Variants in SRGAP1 observed in about 807,000 individuals in gnomAD.
SRGAP1 encodes SLIT-ROBO Rho GTPase activating protein 1.
In SRGAP1, 43 loss-of-function variants were observed where a neutral mutation model predicts 121.9. The ratio of observed to expected loss-of-function variants is 0.35; its 90% CI spans 0.28 to 0.46. SRGAP1 has a LOEUF of 0.46. Among genes scored for constraint, SRGAP1 ranks in the 20% least tolerant of loss-of-function variants. The pLI is 1.00. For missense variants in SRGAP1, 1,102 were observed against 1,350.9 expected (o/e 0.82, Z 2.89); for synonymous variants, 447 against 485.4 (o/e 0.92, Z 1.04).
intron 4 of SRGAP1, among the ~76,000 whole-genome samples, chr12:64,031,836 C>T (rs1168758537): frequency 6.6e-6 from 1 of 152,046 alleles, no homozygotes; most frequent in Non-Finnish European, 1.5e-5. Flanking sequence ...TGATTGTCTC[C>T]CTAATTTTGA....
intron 21 of SRGAP1, among the ~76,000 whole-genome samples, chr12:64,135,901 C>T (rs879397987): frequency 6.6e-6 from 1 of 152,230 alleles, no homozygotes; most frequent in Non-Finnish European, 1.5e-5. Context: ...AATAAGCCGT[C>T]TGCAGGCTGA....
At chr12:64,121,389 T>C (rs2036603734) in intron 18 of SRGAP1, among the ~76,000 whole-genome samples, 1 of 152,186 alleles carries the variant, frequency 6.6e-6, no homozygotes, top group South Asian at 2.1e-4. Context: ...AGAGCTTCTA[T>C]TTCTAAAATG....
intron 1 of SRGAP1, among the ~76,000 whole-genome samples, chr12:63,899,677 G>T (rs1346540753): frequency 1.3e-5 from 2 of 152,218 alleles, no homozygotes; most frequent in Non-Finnish European, 2.9e-5. Flanking sequence ...TGGCACAAGA[G>T]TAGGTTACAG....
intron 10 of SRGAP1, among the ~76,000 whole-genome samples, chr12:64,082,883 A>T (rs940538118): frequency 6.6e-6 from 1 of 152,242 alleles, no homozygotes; most frequent in Admixed American, 6.5e-5. Context: ...ATCCATCAGC[A>T]GCAGGCACAC....
At chr12:63,941,776 T>C (rs2031878498) in intron 1 of SRGAP1, among the ~76,000 whole-genome samples, 1 of 152,186 alleles carries the variant, frequency 6.6e-6, no homozygotes, top group Non-Finnish European at 1.5e-5. Context: ...TGGGAAATAA[T>C]TTAACCTTGT....
At chr12:64,114,833 C>T (rs1287852069) in intron 17 of SRGAP1, among the ~76,000 whole-genome samples, 2 of 152,082 alleles carry the variant, frequency 1.3e-5, no homozygotes, top group African/African-American at 4.8e-5. Context: ...AACGTGTGCT[C>T]GATGGTGTCT....
chr12:63,894,441 C>T (rs1857597458), intron 1 of SRGAP1, among the ~76,000 whole-genome samples: 1 of 151,896 alleles, frequency 6.6e-6, no homozygotes, highest in Non-Finnish European at 1.5e-5. Context: ...TAGCATCCTA[C>T]CCCAAATGCT....
At chr12:64,071,964 A>G (rs532009157) in intron 8 of SRGAP1, among the ~76,000 whole-genome samples, 1 of 152,000 alleles carries the variant, frequency 6.6e-6, no homozygotes, top group Non-Finnish European at 1.5e-5. Flanking sequence ...TAGGGTTATT[A>G]GCATTGCACC....
At chr12:63,851,944 T>C (rs1592880995) in intron 1 of SRGAP1, among the ~76,000 whole-genome samples, 2 of 152,134 alleles carry the variant, frequency 1.3e-5, no homozygotes, top group East Asian at 3.9e-4. Context: ...CAAATGTTAG[T>C]CATTGTTATC....
At chr12:63,862,140 C>T (rs750644728) in intron 1 of SRGAP1, among the ~76,000 whole-genome samples, 2 of 152,160 alleles carry the variant, frequency 1.3e-5, no homozygotes, top group Admixed American at 6.5e-5. Flanking sequence ...TATACACACA[C>T]ACCTCATGAG....
At chr12:64,051,482 A>G (rs1462671854) in intron 6 of SRGAP1, among the ~76,000 whole-genome samples, 1 of 152,212 alleles carries the variant, frequency 6.6e-6, no homozygotes, top group Non-Finnish European at 1.5e-5. Flanking sequence ...AAAAATTAAT[A>G]ATGTAAACTA....
chr12:63,931,991 CAA>C (rs1276676888), intron 1 of SRGAP1, among the ~76,000 whole-genome samples: 3 of 152,060 alleles, frequency 2.0e-5, no homozygotes, highest in Non-Finnish European at 4.4e-5. Context: ...GTTGTCAGTC[CAA>C]AGAGTTTGGA....
intron 1 of SRGAP1, among the ~76,000 whole-genome samples, chr12:63,949,067 A>ATTTTCCATATATGAG (rs2032174960): frequency 7.0e-6 from 1 of 143,776 alleles, no homozygotes; most frequent in Non-Finnish European, 1.5e-5. Flanking sequence ...CCATATATGT[A>ATTTTCCATATATGAG]TTTTCCATAT....
chr12:64,043,740 C>T, intron 6 of SRGAP1, 165 bp downstream of exon 6: 1 of 511,006 alleles, frequency 2.0e-6, no homozygotes, highest in Non-Finnish European at 3.3e-6. Flanking sequence ...AAGACACTAT[C>T]ATCTGTAAGA....
intron 15 of SRGAP1, among the ~76,000 whole-genome samples, chr12:64,101,501 T>C (rs941972994): frequency 1.3e-5 from 2 of 152,204 alleles, no homozygotes; most frequent in African/African-American, 2.4e-5. Flanking sequence ...ATTGTACATT[T>C]CTTTTTAAAG....
At chr12:64,136,182 C>T (rs946730190) in intron 21 of SRGAP1, among the ~76,000 whole-genome samples, 9 of 152,180 alleles carry the variant, frequency 5.9e-5, no homozygotes, top group Admixed American at 5.9e-4. Flanking sequence ...TAATACTTCG[C>T]ATCCTTCAAT....
intron 18 of SRGAP1, among the ~76,000 whole-genome samples, chr12:64,121,305 G>A (rs951544139): frequency 3.9e-5 from 6 of 152,188 alleles, no homozygotes; most frequent in South Asian, 2.1e-4. Context: ...CCCACGCCCC[G>A]CCTTCCTTGT....
chr12:63,970,502 G>A (rs945707982), intron 1 of SRGAP1, among the ~76,000 whole-genome samples: 2 of 152,112 alleles, frequency 1.3e-5, no homozygotes, highest in African/African-American at 4.8e-5. Context: ...CTGCTTTGTT[G>A]TAATATTTAA....
At position 64,063,078 on chromosome 12, in the gene SRGAP1, G is replaced by T; in HGVS notation, c.963G>T (p.Met321Ile). The change falls in exon 7 of 22, where the codon ATG becomes ATT. Residue 321 changes from methionine (M) to isoleucine (I), a missense_variant. Met to Ile is a conservative substitution (Grantham distance 10). This residue lies in a region of SRGAP1 where 747 missense variants were observed against 929.4 expected (regional missense o/e 0.80). Coordinates refer to ENST00000355086, the MANE Select transcript of SRGAP1 (RefSeq NM_020762.4). ...PRSDKQRFME[M>I]YPAAFCPPMK... Reference sequence around the variant, plus strand: ...GCGATAAGCAGAGATTCATGGAGATGTACCCTGCTGCGTTCTGTCCACCAA... The same window carrying T: ...GCGATAAGCAGAGATTCATGGAGATTTACCCTGCTGCGTTCTGTCCACCAA... 6.2e-7 allele frequency: 1 copy of T among 1,614,122 alleles called. No individual in the cohort carries two copies. Among genetic ancestry groups the T allele is most frequent in the Non-Finnish European group, 8.5e-7 (1 of 1,179,992 alleles).
Sources: gnomAD v4.1 joint callset for allele counts (sites outside exome capture counted in the v4.1 genomes callset) on GRCh38, gnomAD v4.1.1 for gene constraint, gnomAD v4.1.1 regional missense constraint, MANE v1.5 for transcripts, NCBI Gene and HGNC (gene_info 2026-07-23, HGNC 2026-07-21) for gene names.